GNG12: variants seen among roughly 807,000 people sequenced by gnomAD.
GNG12 encodes the protein G protein subunit gamma 12, also known as guanine nucleotide-binding protein G(I)/G(S)/G(O) subunit gamma-12.
For synonymous variants in GNG12, 28 were observed against 29.7 expected (o/e 0.94, Z 0.19); for missense variants, 69 against 83.8 (o/e 0.82, Z 0.69).
chr1:67,779,246 G>C (rs956626395), intron 1 of GNG12, among the ~76,000 whole-genome samples: 2 of 152,148 alleles, frequency 1.3e-5, no homozygotes, highest in African/African-American at 4.8e-5. Context: ...GGCCGCAAAA[G>C]AATCACACTC....
At chr1:67,785,087 G>A (rs2100774833) in intron 1 of GNG12, among the ~76,000 whole-genome samples, 1 of 150,468 alleles carries the variant, frequency 6.6e-6, no homozygotes, top group African/African-American at 2.4e-5. Flanking sequence ...AAGCTTGCAA[G>A]GTAAAAGTGA....
intron 1 of GNG12, among the ~76,000 whole-genome samples, chr1:67,809,220 A>C (rs1266051158): frequency 6.6e-6 from 1 of 152,114 alleles, no homozygotes; most frequent in Non-Finnish European, 1.5e-5. Flanking sequence ...CTGGACATCC[A>C]CATTCCCTGC....
intron 1 of GNG12, among the ~76,000 whole-genome samples, chr1:67,816,065 C>G (rs893685984): frequency 6.6e-6 from 1 of 152,192 alleles, no homozygotes. Flanking sequence ...GTTTATGAAC[C>G]GCTGCCCTGG....
chr1:67,828,307 A>C (rs1234523617), intron 1 of GNG12, among the ~76,000 whole-genome samples: 2 of 152,140 alleles, frequency 1.3e-5, no homozygotes, highest in African/African-American at 2.4e-5. Context: ...TCTCCTCCTC[A>C]TGTTTCTCTT....
intron 2 of GNG12, among the ~76,000 whole-genome samples, chr1:67,733,997 G>C (rs1255595855): frequency 2.6e-5 from 4 of 152,136 alleles, no homozygotes; most frequent in African/African-American, 9.7e-5. Flanking sequence ...TGGAAATCTA[G>C]GGCCAACGGT....
At chr1:67,784,518 A>AT (rs1646756607) in intron 1 of GNG12, among the ~76,000 whole-genome samples, 1 of 72,844 alleles carries the variant, frequency 1.4e-5, no homozygotes, top group Admixed American at 1.6e-4. Flanking sequence ...AATTTCTATT[A>AT]AAAAAAAAGA....
At chr1:67,789,308 T>C (rs1646787698) in intron 1 of GNG12, among the ~76,000 whole-genome samples, 1 of 152,142 alleles carries the variant, frequency 6.6e-6, no homozygotes, top group Non-Finnish European at 1.5e-5. Context: ...AGAATCTTTT[T>C]CAGAAAAAAA....
chr1:67,710,956 G>A (rs1250420540), intron 2 of GNG12, among the ~76,000 whole-genome samples: 2 of 151,840 alleles, frequency 1.3e-5, no homozygotes, highest in Admixed American at 1.3e-4. Context: ...CAGAGAAAAC[G>A]TTAAACAAGC....
intron 2 of GNG12, among the ~76,000 whole-genome samples, chr1:67,717,340 C>A (rs1317853972): frequency 6.6e-6 from 1 of 152,002 alleles, no homozygotes; most frequent in Non-Finnish European, 1.5e-5. Flanking sequence ...TATGGCCAAA[C>A]CCTGTCTCTA....
At chr1:67,769,231 T>C (rs2100751280) in intron 2 of GNG12, among the ~76,000 whole-genome samples, 1 of 152,264 alleles carries the variant, frequency 6.6e-6, no homozygotes, top group Admixed American at 6.5e-5. Flanking sequence ...GGCTTCACCA[T>C]GGGTTGGGGG....
chr1:67,802,383 C>T (rs1173658734), intron 1 of GNG12, among the ~76,000 whole-genome samples: 7 of 152,136 alleles, frequency 4.6e-5, no homozygotes, highest in Non-Finnish European at 1.5e-5. Flanking sequence ...TTAATTGGTT[C>T]CAAACCCTTG....
At chr1:67,774,212 T>C (rs1646691623) in intron 2 of GNG12, among the ~76,000 whole-genome samples, 1 of 152,212 alleles carries the variant, frequency 6.6e-6, no homozygotes. Flanking sequence ...TGGTACTGAT[T>C]GCTCAGAAGC....
intron 3 of GNG12, among the ~76,000 whole-genome samples, chr1:67,707,140 T>C (rs772749053): frequency 2.6e-5 from 4 of 152,226 alleles, no homozygotes; most frequent in Non-Finnish European, 4.4e-5. Context: ...AAGTGGTCAC[T>C]GAGGGCCAAA....
chr1:67,761,423 G>C (rs1214597061), intron 2 of GNG12, among the ~76,000 whole-genome samples: 1 of 152,186 alleles, frequency 6.6e-6, no homozygotes, highest in African/African-American at 2.4e-5. Flanking sequence ...TGTTCTGTCT[G>C]ATTTTGTTGA....
chr1:67,739,428 T>C (rs148316917), intron 2 of GNG12, among the ~76,000 whole-genome samples: 13 of 152,322 alleles, frequency 8.5e-5, no homozygotes, highest in Non-Finnish European at 1.8e-4. Flanking sequence ...TTTAAGTTTA[T>C]TGAACGCCTA....
chr1:67,774,301 T>C (rs1646692207), intron 2 of GNG12, among the ~76,000 whole-genome samples: 1 of 152,222 alleles, frequency 6.6e-6, no homozygotes. Flanking sequence ...TATCTCTGAC[T>C]TCACCCCACT....
chr1:67,809,310 T>C (rs1646910231), intron 1 of GNG12, among the ~76,000 whole-genome samples: 1 of 152,042 alleles, frequency 6.6e-6, no homozygotes, highest in South Asian at 2.1e-4. Flanking sequence ...CAGAACTAAA[T>C]GTAAAATACA....
chr1:67,780,698 C>A lies in GNG12; in HGVS notation c.-76-3191G>T, dbSNP rs147143961. On this transcript the variant is annotated intron_variant, in intron 1 of 3. Transcript: ENST00000370982. ...AAGTTTTGACTTCATCTTTTAAATC[C>A]AGCCAGTTCCAAGGAGATGGTCACT... Among the ~76,000 whole-genome samples, 433 of 152,262 alleles carry A rather than the reference C, an allele frequency of 2.8e-3. 3 individuals carry two copies. Among genetic ancestry groups the A allele is most frequent in the African/African-American group, 9.8e-3 (408 of 41,552 alleles).
At chr1:67,766,437 G>A (rs1046120845) in intron 2 of GNG12, among the ~76,000 whole-genome samples, 1 of 152,140 alleles carries the variant, frequency 6.6e-6, no homozygotes, top group Non-Finnish European at 1.5e-5. Flanking sequence ...GATGAGCAAA[G>A]CAGCCCAGCC....
Sources: gnomAD v4.1 joint callset for allele counts (sites outside exome capture counted in the v4.1 genomes callset) on GRCh38, gnomAD v4.1.1 for gene constraint, MANE v1.5 for transcripts, NCBI Gene and HGNC (gene_info 2026-07-23, HGNC 2026-07-21) for gene names.